The following LMF1 variants were observed in gnomAD, a reference collection of about 807,000 sequenced individuals.
LMF1 encodes the protein lipase maturation factor 1.
Under a neutral mutation model 60.6 loss-of-function variants are expected in LMF1, and 68 were observed. That is an observed-to-expected ratio of 1.12 (90% CI 0.92 to 1.37). LMF1 has a LOEUF of 1.37. Ranked by LOEUF, LMF1 falls within the 40% of genes most tolerant of loss-of-function variation. LMF1 has a pLI of 0.00. For missense variants in LMF1, 948 were observed against 767.2 expected (o/e 1.24, Z -2.78); for synonymous variants, 418 against 324.7 (o/e 1.29, Z -3.09).
Position 853,866 on chromosome 16 carries a change from A to AT in LMF1, c.*665_*666insA. ...TGCGCTGTGTCCATCTGCACCTCAC[A>AT]GACACCAGTCATGGGGGGATGAAAC... On this transcript the variant is annotated 3_prime_UTR_variant, in exon 11 of 11. Transcript: ENST00000262301. 4.4e-6 allele frequency: 2 copies of AT among 454,090 alleles called. No homozygotes were observed. The highest frequency in any genetic ancestry group is 3.1e-5 in the South Asian group (2 of 64,482). 28.1% of individuals were successfully genotyped at this position (454,090 alleles called of 1,614,324 possible).
In LMF1 at chr16:879,648, G is replaced by C. The variant is rs764289696; in HGVS notation, c.819C>G (p.Ile273Met). 4.3e-6 allele frequency: 7 copies of C among 1,613,078 alleles called. No homozygotes were observed. Reference sequence around the variant, plus strand: ...AGAGGAAGAAGGGCACCAGGAGCTCGATGAAGTGGTTGCTGAGCGTCTCGA... The same window carrying C: ...AGAGGAAGAAGGGCACCAGGAGCTCCATGAAGTGGTTGCTGAGCGTCTCGA... The part of the protein sequence containing the change: ...HRFETLSNHF[I>M]ELLVPFFLFL... The change falls in exon 6 of 11, where the codon ATC (isoleucine) becomes ATG (methionine). Residue 273 changes from isoleucine to methionine, a missense_variant. Physicochemically the swap from Ile to Met is conservative, Grantham distance 10. Transcript: ENST00000262301.
Position 869,981 on chromosome 16 carries a change from C to A in LMF1, c.1318G>T (p.Glu440Ter). ...GGGTCACCTGGCTTGCACTTGAACT[C>A]GTAGTCCTCCCACATGGCATCGGGG... ...SAPDAMWEDY[E>*]FKCKPGDPSR... The change falls in exon 9 of 11, where the codon GAG becomes TAG. Residue 440 changes from glutamate (E) to a stop codon, truncating the protein, a stop_gained. Transcript: ENST00000262301. LOFTEE classifies it high-confidence loss of function. The A allele has an allele frequency of 6.2e-7, 1 of 1,613,320 alleles. No individual in the cohort carries two copies. The highest frequency in any genetic ancestry group is 1.1e-5 in the South Asian group (1 of 91,086).
chr16:867,823 G>A (rs985304454), intron 10 of LMF1, among the ~76,000 whole-genome samples: 3 of 152,110 alleles, frequency 2.0e-5, no homozygotes, highest in Admixed American at 6.5e-5. Flanking sequence ...TGGAAGCATC[G>A]CTTGGCCGGG....
At chr16:930,064 A>C (rs1266136837) in intron 3 of LMF1, among the ~76,000 whole-genome samples, 1 of 149,456 alleles carries the variant, frequency 6.7e-6, no homozygotes, top group Non-Finnish European at 1.5e-5. Flanking sequence ...AGCCCAGGAC[A>C]GCAGTGGTCA....
chr16:890,785 A>C (rs2070460407), intron 5 of LMF1, among the ~76,000 whole-genome samples: 1 of 152,180 alleles, frequency 6.6e-6, no homozygotes, highest in South Asian at 2.1e-4. Flanking sequence ...GTCCCAGATA[A>C]AGCCACGCTC....
intron 4 of LMF1, among the ~76,000 whole-genome samples, chr16:908,023 C>T (rs2071013220): frequency 6.6e-6 from 1 of 152,198 alleles, no homozygotes; most frequent in African/African-American, 2.4e-5. Flanking sequence ...GGGGCCGGCT[C>T]CTCTCCCTGG....
At chr16:914,760 T>A (rs2071232334) in intron 3 of LMF1, among the ~76,000 whole-genome samples, 1 of 2,110 alleles carries the variant, frequency 4.7e-4, no homozygotes, top group Non-Finnish European at 9.0e-4. Context: ...GGTGACACAT[T>A]CCCTCCCTCC....
chr16:886,624 C>CCGGCACTGCCCTT (rs2070317105), intron 5 of LMF1, among the ~76,000 whole-genome samples: 1 of 6,624 alleles, frequency 1.5e-4, no homozygotes, highest in Non-Finnish European at 2.6e-4. Flanking sequence ...TTCCCCAGGC[C>CCGGCACTGCCCTT]CCTCCCACCC....
Position 878,745 on chromosome 16 carries a change from C to G in LMF1, c.897+825G>C, listed in dbSNP as rs1278202967. On this transcript the variant is annotated intron_variant, in intron 6 of 10. Coordinates refer to ENST00000262301, the MANE Select transcript of LMF1 (RefSeq NM_022773.4). This position sits in a 1 kb window ranked among gnomAD's most constrained non-coding sequence, Gnocchi z 5.2. ...AGGGGTGGGCAGGGCAGGGGAAGGG[C>G]GGGGGCAGGGGCGGGCAGGGCAGGG... Among the ~76,000 whole-genome samples the G allele has an allele frequency of 3.7e-5, 1 of 26,706 alleles. No homozygotes were observed. The highest frequency in any genetic ancestry group is 1.4e-3 in the South Asian group (1 of 702). The allele number at this position is 26,706 out of a possible 152,430, so 17.5% of individuals were successfully genotyped here.
At chr16:954,904 T>G (rs113062609) in intron 1 of LMF1, among the ~76,000 whole-genome samples, 1 of 111,260 alleles carries the variant, frequency 9.0e-6, no homozygotes, top group African/African-American at 4.3e-5. Context: ...CACATCTAAG[T>G]GAACTAGACA....
chr16:933,775 C>A, intron 3 of LMF1: 1 of 391,484 alleles, frequency 2.6e-6, no homozygotes, highest in Non-Finnish European at 4.7e-6. Context: ...GGTGGCTGCC[C>A]TCTTCCCACC....
chr16:954,673 G>A lies in LMF1; in HGVS notation c.194-7C>T. The stretch of plus-strand genomic sequence containing the variant: ...GCCACCAGGAATGCCACGACTGGAA[G>A]AAAAAGAAGACAAAACAAGCATGAC... On this transcript the variant is annotated splice_polypyrimidine_tract_variant and splice_region_variant and intron_variant, in intron 1 of 10. Transcript: ENST00000262301. The A allele has an allele frequency of 6.3e-7, 1 of 1,578,586 alleles. No homozygotes were observed. The highest frequency in any genetic ancestry group is 1.2e-5 in the South Asian group (1 of 85,936).
chr16:927,136 T>C (rs368912478), intron 3 of LMF1, among the ~76,000 whole-genome samples: 1 of 152,182 alleles, frequency 6.6e-6, no homozygotes, highest in African/African-American at 2.4e-5. Flanking sequence ...CAAGGGCCGC[T>C]CATGGTGAGG....
intron 10 of LMF1, among the ~76,000 whole-genome samples, chr16:865,404 G>A (rs1271238804): frequency 6.6e-6 from 1 of 152,134 alleles, no homozygotes; most frequent in African/African-American, 2.4e-5. Flanking sequence ...AGGCTGGAGG[G>A]CAACGGTGTG....
At chr16:947,967 CAG>C (rs2072286185) in intron 2 of LMF1, among the ~76,000 whole-genome samples, 1 of 151,216 alleles carries the variant, frequency 6.6e-6, no homozygotes, top group African/African-American at 2.4e-5. Context: ...GAGCCAACGA[CAG>C]AGTCAGCCAA....
chr16:870,549 G>C (rs916269367), intron 8 of LMF1, among the ~76,000 whole-genome samples, 180 bp downstream of exon 8: 1 of 152,188 alleles, frequency 6.6e-6, no homozygotes, highest in Non-Finnish European at 1.5e-5. Flanking sequence ...GGACGAGGAG[G>C]CCTGCGTGTC....
chr16:964,119 A>G lies in LMF1; in HGVS notation c.193+6669T>C, dbSNP rs11862542. Reference sequence around the variant, plus strand: ...GCAGCCAACAGCAGGCATGGCCGATAAATACTTTGTTTCAGAATCAGAAAG... The same window carrying G: ...GCAGCCAACAGCAGGCATGGCCGATGAATACTTTGTTTCAGAATCAGAAAG... On this transcript the variant is annotated intron_variant, in intron 1 of 10. Coordinates refer to ENST00000262301, the MANE Select transcript of LMF1 (RefSeq NM_022773.4). 0.29 allele frequency: 132,638 copies of G among 455,670 alleles called. 20,809 individuals are homozygous for G. Among genetic ancestry groups the G allele is most frequent in the Non-Finnish European group, 0.34 (77,287 of 226,660 alleles). 28.2% of individuals were successfully genotyped at this position (455,670 alleles called of 1,614,324 possible). A position where few individuals can be genotyped will look rare whatever the true frequency, so the allele number is the denominator to read the frequency against.
intron 10 of LMF1, among the ~76,000 whole-genome samples, chr16:857,351 G>A (rs1022423204): frequency 2.6e-5 from 4 of 152,254 alleles, no homozygotes; most frequent in South Asian, 2.1e-4. Context: ...AGCAACAGCC[G>A]AGTGACTCGA....
Position 879,563 on chromosome 16 carries a change from G to A in LMF1, c.897+7C>T. ...GACACGGGGCAGGGCGGGCGGCGCG[G>A]GCTCACCTGGAACAGGATCTGCAGC... On this transcript the variant is annotated splice_region_variant and intron_variant, in intron 6 of 10. Transcript: ENST00000262301. 2 of 1,612,108 alleles carry A rather than the reference G, an allele frequency of 1.2e-6. No homozygotes were observed. Among genetic ancestry groups the A allele is most frequent in the Non-Finnish European group, 1.7e-6 (2 of 1,179,438 alleles).
Sources: allele counts gnomAD v4.1 joint callset (sites outside exome capture counted in the v4.1 genomes callset), GRCh38; gene constraint gnomAD v4.1.1; non-coding constraint Gnocchi (gnomAD v3.1); transcripts MANE v1.5; gene names NCBI Gene and HGNC (gene_info 2026-07-23, HGNC 2026-07-21).